Variants in THSD7A observed in about 807,000 individuals in gnomAD.
THSD7A encodes the protein thrombospondin type 1 domain containing 7A.
A neutral mutation model predicts 231.3 loss-of-function variants in THSD7A; 96 were observed. That is an observed-to-expected ratio of 0.41 (90% confidence interval 0.35 to 0.49). The LOEUF (loss-of-function observed/expected upper bound fraction) is 0.49, where lower values mean the gene tolerates loss of function less well. Ranked by LOEUF, THSD7A falls within the 20% of genes least tolerant of loss-of-function variation. The pLI, the probability that THSD7A is intolerant of heterozygous loss-of-function variation, is 0.05. For synonymous variants in THSD7A, 940 were observed against 743.3 expected (o/e 1.26, Z -4.30); for missense variants, 2,290 against 2,070.2 (o/e 1.11, Z -2.06).
At chr7:11,770,517 G>A (rs186194653) in intron 1 of THSD7A, among the ~76,000 whole-genome samples, 1 of 152,244 alleles carries the variant, frequency 6.6e-6, no homozygotes, top group Non-Finnish European at 1.5e-5. Flanking sequence ...CTGAGGCAAA[G>A]GGCTAATGTT....
At chr7:11,489,745 T>C (rs1169690709) in intron 6 of THSD7A, among the ~76,000 whole-genome samples, 1 of 152,086 alleles carries the variant, frequency 6.6e-6, no homozygotes, top group Non-Finnish European at 1.5e-5. Context: ...TTTAAAAATA[T>C]TACTGCAAGA....
chr7:11,777,578 T>A (rs1783455384), intron 1 of THSD7A, among the ~76,000 whole-genome samples: 1 of 151,970 alleles, frequency 6.6e-6, no homozygotes, highest in African/African-American at 2.4e-5. Context: ...GGTCCCAGAG[T>A]AGGGAAAGGA....
intron 1 of THSD7A, among the ~76,000 whole-genome samples, chr7:11,816,091 C>A (rs549092127): frequency 2.6e-5 from 4 of 152,172 alleles, no homozygotes; most frequent in Non-Finnish European, 5.9e-5. Flanking sequence ...CTCCATTTTA[C>A]ATCCATATAT....
chr7:11,624,227 T>G (rs1562778139), intron 2 of THSD7A, among the ~76,000 whole-genome samples: 1 of 152,084 alleles, frequency 6.6e-6, no homozygotes, highest in Non-Finnish European at 1.5e-5. Context: ...CATTCTTGGA[T>G]TATAACCACG....
At position 11,568,541 on chromosome 7, in the gene THSD7A, C is replaced by T. The variant is rs576920535; in HGVS notation, c.1453+21919G>A. Among the ~76,000 whole-genome samples, 3 of 132,930 alleles carry T rather than the reference C, an allele frequency of 2.3e-5. No individual in the cohort carries two copies. In the South Asian group the frequency reaches 7.9e-4, roughly 35 times the overall value. 87.2% of individuals were successfully genotyped at this position (132,930 alleles called of 152,430 possible). A position where few individuals can be genotyped will look rare whatever the true frequency, so the allele number is the denominator to read the frequency against. On this transcript the variant is annotated intron_variant, in intron 4 of 27. Coordinates refer to ENST00000423059, the MANE Select transcript of THSD7A (RefSeq NM_015204.3). ...TTGGGAAGCTGAGGCAGGAGAATGGCGTGAACCTGGGAGGCAGAGCTTGCA... is the reference window on the plus strand; with the variant it reads ...TTGGGAAGCTGAGGCAGGAGAATGGTGTGAACCTGGGAGGCAGAGCTTGCA...
Position 11,376,908 on chromosome 7 carries a change from T to C in THSD7A, c.4802-251A>G, listed in dbSNP as rs1782298020. On this transcript the variant is annotated intron_variant, in intron 26 of 27. Transcript: ENST00000423059. ...GTTTGACTTCAGATTTCAAGTTTCT[T>C]TGGCTAAACTTCAGCTGCCTTTCAT... 9.6e-6 allele frequency: 3 copies of C among 312,000 alleles called. No individual in the cohort carries two copies. In the East Asian group the frequency reaches 1.5e-4, roughly 16 times the overall value. The allele number at this position is 312,000 out of a possible 1,614,324, so 19.3% of individuals were successfully genotyped here.
chr7:11,426,005 A>C lies in THSD7A; in HGVS notation c.3249+661T>G, dbSNP rs1239502999. Among the ~76,000 whole-genome samples the C allele has an allele frequency of 3.9e-5, 6 of 152,168 alleles. No individual in the cohort carries two copies. The East Asian group carries it at 1.2e-3, about 30-fold the overall frequency. ...GCGCACCAGCATGGCACATGTATAC[A>C]TATGTAACTAACCTGCACAATGTGC... On this transcript the variant is annotated intron_variant, in intron 15 of 27. Coordinates refer to ENST00000423059, the MANE Select transcript of THSD7A (RefSeq NM_015204.3).
At chr7:11,541,292 G>T in intron 6 of THSD7A, 127 bp downstream of exon 6, 2 of 874,604 alleles carry the variant, frequency 2.3e-6, no homozygotes, top group African/African-American at 1.7e-5. Flanking sequence ...GGAGAGAGAA[G>T]CAGCTATTTC....
intron 9 of THSD7A, among the ~76,000 whole-genome samples, chr7:11,467,041 C>T (rs913146931): frequency 2.0e-5 from 3 of 152,108 alleles, no homozygotes; most frequent in African/African-American, 7.2e-5. Flanking sequence ...TCCTCTAGCC[C>T]TTCTACCGCT....
At chr7:11,537,823 GA>G (rs558507943) in intron 6 of THSD7A, among the ~76,000 whole-genome samples, 46 of 152,148 alleles carry the variant, frequency 3.0e-4, no homozygotes, top group Non-Finnish European at 5.7e-4. Context: ...GTTCCCAAAA[GA>G]GGCAGAAAAA....
chr7:11,697,445 C>T (rs1780436902), intron 1 of THSD7A, among the ~76,000 whole-genome samples: 1 of 151,300 alleles, frequency 6.6e-6, no homozygotes. Flanking sequence ...CTACTGATGA[C>T]TTACATACAC....
At chr7:11,808,975 C>G (rs1170279902) in intron 1 of THSD7A, among the ~76,000 whole-genome samples, 3 of 151,946 alleles carry the variant, frequency 2.0e-5, no homozygotes, top group African/African-American at 7.2e-5. Context: ...ATCAAAATTT[C>G]TGGGAATATT....
At chr7:11,546,390 G>T (rs1238759654) in intron 4 of THSD7A, among the ~76,000 whole-genome samples, 2 of 152,118 alleles carry the variant, frequency 1.3e-5, no homozygotes, top group African/African-American at 2.4e-5. Context: ...TACAGCAGGT[G>T]CTTAACCTTG....
At chr7:11,730,239 C>G (rs1231194353) in intron 1 of THSD7A, among the ~76,000 whole-genome samples, 2 of 151,448 alleles carry the variant, frequency 1.3e-5, no homozygotes, top group Middle Eastern at 3.2e-3. Flanking sequence ...AAAAATGAAG[C>G]ATATTTTTAG....
intron 23 of THSD7A, among the ~76,000 whole-genome samples, chr7:11,387,477 G>C (rs1782795937): frequency 6.6e-6 from 1 of 152,108 alleles, no homozygotes; most frequent in South Asian, 2.1e-4. Context: ...TGTAGCAATT[G>C]TGAATGGAAG....
At chr7:11,454,868 G>C (rs1674686010) in intron 11 of THSD7A, among the ~76,000 whole-genome samples, 1 of 151,942 alleles carries the variant, frequency 6.6e-6, no homozygotes, top group African/African-American at 2.4e-5. Flanking sequence ...CTTTCTGAAA[G>C]AGCATAATAT....
At chr7:11,721,554 T>TA (rs1781353687) in intron 1 of THSD7A, among the ~76,000 whole-genome samples, 1 of 151,776 alleles carries the variant, frequency 6.6e-6, no homozygotes, top group Non-Finnish European at 1.5e-5. Flanking sequence ...CTTCATAAGT[T>TA]ACCTAGTCTC....
chr7:11,787,657 T>C (rs929069542), intron 1 of THSD7A, among the ~76,000 whole-genome samples: 2 of 151,944 alleles, frequency 1.3e-5, no homozygotes, highest in African/African-American at 4.8e-5. Flanking sequence ...ATGAAAGATG[T>C]TTCACATCCT....
rs1055666083 is a variant in THSD7A at position 11,639,604 on chromosome 7, G to A, written c.191-2643C>T. 9.1e-4 allele frequency among the ~76,000 whole-genome samples: 138 copies of A among 152,090 alleles called. 1 individual carries two copies. Among genetic ancestry groups the A allele is most frequent in the African/African-American group, 3.2e-3 (131 of 41,492 alleles). ...AATGGTGTGAACCCAGGAGGTGGAG[G>A]TTGCAGTGAGCCGAGATGGCACCAC... On this transcript the variant is annotated intron_variant, in intron 1 of 27. Transcript: ENST00000423059.
Sources: gnomAD v4.1 joint callset for allele counts (sites outside exome capture counted in the v4.1 genomes callset) on GRCh38, gnomAD v4.1.1 for gene constraint, MANE v1.5 for transcripts, NCBI Gene and HGNC (gene_info 2026-07-23, HGNC 2026-07-21) for gene names.